SEC31A: variants seen among roughly 807,000 people sequenced by gnomAD.
SEC31A encodes protein transport protein Sec31A.
A neutral mutation model predicts 151.0 loss-of-function variants in SEC31A; 70 were observed. That is an observed-to-expected ratio of 0.46 (90% CI 0.38 to 0.57). The LOEUF (loss-of-function observed/expected upper bound fraction) is 0.57. Ranked by LOEUF, SEC31A falls within the 20% of genes least tolerant of loss-of-function variation. The pLI is 0.00. For synonymous variants in SEC31A, 475 were observed against 505.9 expected (o/e 0.94, Z 0.82); for missense variants, 1,330 against 1,471.2 (o/e 0.90, Z 1.57).
intron 1 of SEC31A, among the ~76,000 whole-genome samples, chr4:82,882,178 C>A (rs956372727): frequency 3.3e-5 from 5 of 151,852 alleles, no homozygotes; most frequent in Non-Finnish European, 7.4e-5. Flanking sequence ...CCAAGGCGGG[C>A]GGATCACGAG....
chr4:82,832,880 G>A (rs1258805444), intron 22 of SEC31A, among the ~76,000 whole-genome samples: 1 of 152,172 alleles, frequency 6.6e-6, no homozygotes, highest in Non-Finnish European at 1.5e-5. Context: ...AGTTACAATG[G>A]CGATCATTAA....
chr4:82,858,240 G>A (rs1021487930), intron 14 of SEC31A, among the ~76,000 whole-genome samples: 8 of 151,736 alleles, frequency 5.3e-5, no homozygotes, highest in Admixed American at 1.3e-4. Flanking sequence ...GTGAAACCCC[G>A]TCTCTACTAA....
rs558784153 is a variant in SEC31A at position 82,898,432 on chromosome 4, G to T, written c.-2+1281C>A. ...AATATCTAGAGCAGTGACCCCTTGC[G>T]GCTATTGCCTTCATTTAAGTAAATC... On this transcript the variant is annotated intron_variant, in intron 3 of 28. Transcript: ENST00000355196. Among the ~76,000 whole-genome samples, 4 of 152,270 alleles carry T rather than the reference G, an allele frequency of 2.6e-5. No individual in the cohort carries two copies. In the South Asian group the frequency reaches 8.3e-4, roughly 32 times the overall value.
intron 23 of SEC31A, 70 bp downstream of exon 23, chr4:82,828,930 G>C (rs1183522568): frequency 8.4e-7 from 1 of 1,194,068 alleles, no homozygotes; most frequent in Admixed American, 1.7e-5. Context: ...GTGAAGTATA[G>C]TGTGTTCCAA....
rs758772003 is a variant in SEC31A, at chr4:82,872,041, T to C, written c.685A>G (p.Met229Val). The change falls in exon 7 of 27, where the codon ATG becomes GTG. Residue 229 changes from methionine (M) to valine (V), a missense_variant. Coordinates refer to ENST00000395310, the MANE Select transcript of SEC31A (RefSeq NM_001077207.4). ...LAWHPDVATQ[M>V]VLASEDDRLP... ...CGGTCATCCTCGGAGGCAAGGACCA[T>C]CTGAGTAGCAACATCAGGATGCCAT... is the stretch of plus-strand genomic sequence containing the variant. 7 of 1,614,020 alleles carry C rather than the reference T, an allele frequency of 4.3e-6. No homozygotes were observed. The East Asian group carries it at 1.3e-4, about 31-fold the overall frequency.
At chr4:82,868,990 GAATT>G (rs1736032763) in intron 8 of SEC31A, among the ~76,000 whole-genome samples, 1 of 152,122 alleles carries the variant, frequency 6.6e-6, no homozygotes, top group African/African-American at 2.4e-5. Flanking sequence ...TTAAAAAATA[GAATT>G]AATTGAAAAG....
intron 22 of SEC31A, among the ~76,000 whole-genome samples, chr4:82,829,904 A>C (rs1384746586): frequency 1.3e-5 from 2 of 152,214 alleles, no homozygotes; most frequent in Non-Finnish European, 2.9e-5. Flanking sequence ...CTAAATCACA[A>C]TTAATTCTTT....
intron 8 of SEC31A, 60 bp downstream of exon 8, chr4:82,870,265 T>C (rs1213906333): frequency 1.1e-5 from 15 of 1,317,554 alleles, no homozygotes; most frequent in African/African-American, 1.5e-5. Flanking sequence ...AAATTTCTTA[T>C]GTAGCCAGAA....
intron 23 of SEC31A, among the ~76,000 whole-genome samples, chr4:82,828,007 C>G (rs1725010807): frequency 6.6e-6 from 1 of 152,046 alleles, no homozygotes; most frequent in Admixed American, 6.6e-5. Context: ...CTCCGCCTCC[C>G]AGGTTCAAGC....
At chr4:82,829,126 T>A (rs1725333172) in intron 22 of SEC31A, 68 bp from the exon 23 acceptor site, 1 of 1,302,988 alleles carries the variant, frequency 7.7e-7, no homozygotes, top group Admixed American at 1.7e-5. Flanking sequence ...ACTGAATCGA[T>A]CACCTAATAC....
At chr4:82,828,357 G>A (rs1185322135) in intron 23 of SEC31A, among the ~76,000 whole-genome samples, 4 of 152,134 alleles carry the variant, frequency 2.6e-5, no homozygotes, top group Non-Finnish European at 1.5e-5. Flanking sequence ...CACACTAAAA[G>A]TACTAAATTC....
At chr4:82,823,529 G>A (rs1723865077) in intron 25 of SEC31A, among the ~76,000 whole-genome samples, 1 of 152,178 alleles carries the variant, frequency 6.6e-6, no homozygotes, top group Non-Finnish European at 1.5e-5. Context: ...AATGTCTGAT[G>A]AACAATAAGA....
At chr4:82,874,889 T>C in intron 5 of SEC31A, 138 bp from the exon 6 acceptor site, 1 of 877,880 alleles carries the variant, frequency 1.1e-6, no homozygotes, top group Non-Finnish European at 1.7e-6. Flanking sequence ...TGCTTTATAG[T>C]CCTACATCTC....
chr4:82,837,754 A>T (rs1727765327), intron 22 of SEC31A, among the ~76,000 whole-genome samples: 1 of 152,204 alleles, frequency 6.6e-6, no homozygotes, highest in Non-Finnish European at 1.5e-5. Context: ...AGGAAGAGGG[A>T]ACTGCTGGTC....
chr4:82,825,595 A>G (rs539212182), intron 24 of SEC31A, among the ~76,000 whole-genome samples: 23 of 152,380 alleles, frequency 1.5e-4, no homozygotes, highest in Admixed American at 1.3e-3. Flanking sequence ...AAAGGCCAGT[A>G]TAGCTGGAGC....
intron 25 of SEC31A, among the ~76,000 whole-genome samples, chr4:82,823,591 A>C (rs1240131359): frequency 6.6e-6 from 1 of 152,246 alleles, no homozygotes; most frequent in Non-Finnish European, 1.5e-5. Context: ...AAAAATATTC[A>C]ATGTGTGCTA....
intron 4 of SEC31A, among the ~76,000 whole-genome samples, chr4:82,876,107 CTTTTT>C (rs200156848): frequency 0.3 from 37,600 of 127,144 alleles, 5,310 homozygotes; most frequent in East Asian, 0.47. Context: ...TGGATAAATT[CTTTTT>C]TTTTTTTTTT....
At chr4:82,855,902 G>A (rs1255249994) in intron 16 of SEC31A, among the ~76,000 whole-genome samples, 1 of 152,122 alleles carries the variant, frequency 6.6e-6, no homozygotes, top group Non-Finnish European at 1.5e-5. Context: ...TTACTCTTAA[G>A]TTTGTTAGAT....
chr4:82,857,750 T>A lies in SEC31A; in HGVS notation c.1641A>T (p.Glu547Asp). The change falls in exon 15 of 27, where the codon GAA (glutamate) becomes GAT (aspartate). Residue 547 changes from glutamate (E) to aspartate (D), a missense_variant. Transcript: ENST00000395310. ...AGGGTAGAAATTCAGATTCTTCTTT[T>A]TCCTCTTTAATGTGCTAAAGAGATG... ...EQLLGEHIKE[E>D]KEESEFLPSS... 6.3e-7 allele frequency: 1 copy of A among 1,599,602 alleles called. No homozygotes were observed.
Sources: allele counts gnomAD v4.1 joint callset (sites outside exome capture counted in the v4.1 genomes callset), GRCh38; gene constraint gnomAD v4.1.1; transcripts MANE v1.5; gene names NCBI Gene and HGNC (gene_info 2026-07-23, HGNC 2026-07-21).